CDH13: variants seen among roughly 807,000 people sequenced by gnomAD.
CDH13 encodes cadherin 13, also known as cadherin-13.
Under a neutral mutation model 63.8 loss-of-function variants are expected in CDH13, and 24 were observed. The observed-to-expected ratio is 0.38, with a 90% confidence interval of 0.27 to 0.53. CDH13 has a LOEUF of 0.53. Among genes scored for constraint, CDH13 ranks in the 20% least tolerant of loss-of-function variants. The probability of loss-of-function intolerance (pLI) is 0.85; values close to 1 mark genes in which losing one functional copy is unlikely to be tolerated. For synonymous variants in CDH13, 503 were observed against 355.3 expected, an observed-to-expected ratio of 1.42 and a Z score of -4.67; for missense variants, 1,049 against 903.1, an observed-to-expected ratio of 1.16 and a Z score of -2.07.
chr16:83,111,415 AT>A (rs2035052573), intron 3 of CDH13, among the ~76,000 whole-genome samples: 1 of 152,174 alleles, frequency 6.6e-6, no homozygotes, highest in African/African-American at 2.4e-5. Flanking sequence ...TAAAGCATAA[AT>A]AATATTGATT....
intron 1 of CDH13, among the ~76,000 whole-genome samples, chr16:82,816,214 C>G (rs181701621): frequency 1.3e-5 from 2 of 152,140 alleles, no homozygotes; most frequent in Admixed American, 6.5e-5. Flanking sequence ...AGCCTTCCAA[C>G]AGGCACATCC....
At chr16:82,796,551 C>A (rs917584744) in intron 1 of CDH13, among the ~76,000 whole-genome samples, 1 of 152,154 alleles carries the variant, frequency 6.6e-6, no homozygotes, top group African/African-American at 2.4e-5. Flanking sequence ...TGAGTCTTCC[C>A]AGGAGGTGTC....
At chr16:82,819,652 C>T (rs888958796) in intron 1 of CDH13, among the ~76,000 whole-genome samples, 1 of 152,176 alleles carries the variant, frequency 6.6e-6, no homozygotes, top group South Asian at 2.1e-4. Flanking sequence ...AGAGGAGATG[C>T]CACTGGGCAG....
At chr16:83,277,696 C>A (rs139980242) in intron 5 of CDH13, among the ~76,000 whole-genome samples, 2 of 151,998 alleles carry the variant, frequency 1.3e-5, no homozygotes, top group Non-Finnish European at 2.9e-5. Flanking sequence ...CAGCGGATTC[C>A]CTTAAGTCAA....
At chr16:83,437,557 G>T (rs987032689) in intron 6 of CDH13, among the ~76,000 whole-genome samples, 1 of 151,930 alleles carries the variant, frequency 6.6e-6, no homozygotes, top group Non-Finnish European at 1.5e-5. Context: ...CATGCCTGTA[G>T]TCCCAGCTAC....
chr16:83,502,363 A>T (rs2074302209), intron 7 of CDH13, among the ~76,000 whole-genome samples: 1 of 152,092 alleles, frequency 6.6e-6, no homozygotes, highest in Non-Finnish European at 1.5e-5. Context: ...AGGGCTGTGG[A>T]CAGAGCTTCT....
chr16:82,871,261 G>A (rs1039374983), intron 2 of CDH13, among the ~76,000 whole-genome samples: 1 of 152,202 alleles, frequency 6.6e-6, no homozygotes, highest in Non-Finnish European at 1.5e-5. Flanking sequence ...GAACCATGTG[G>A]TCAGACAGGG....
chr16:82,726,635 A>T (rs2033113203), intron 1 of CDH13, among the ~76,000 whole-genome samples: 1 of 152,156 alleles, frequency 6.6e-6, no homozygotes, highest in Non-Finnish European at 1.5e-5. Context: ...CACACTCCAT[A>T]AGTAGTCAGT....
intron 7 of CDH13, among the ~76,000 whole-genome samples, chr16:83,561,502 G>T (rs545843503): frequency 6.6e-6 from 1 of 151,444 alleles, no homozygotes; most frequent in Admixed American, 6.6e-5. Context: ...TTCTGCAAGG[G>T]GTCTACATTT....
At chr16:83,757,297 G>C (rs1266839881) in intron 11 of CDH13, among the ~76,000 whole-genome samples, 2 of 152,144 alleles carry the variant, frequency 1.3e-5, no homozygotes, top group Non-Finnish European at 2.9e-5. Context: ...ACAAATCCAG[G>C]CTGGGCACGG....
intron 10 of CDH13, among the ~76,000 whole-genome samples, chr16:83,718,218 A>C (rs1447928461): frequency 5.3e-5 from 8 of 152,226 alleles, no homozygotes; most frequent in Non-Finnish European, 1.0e-4. Flanking sequence ...CTATGCGTAC[A>C]GGAGCTGAAT....
At chr16:82,793,377 G>A (rs1266164431) in intron 1 of CDH13, among the ~76,000 whole-genome samples, 1 of 115,862 alleles carries the variant, frequency 8.6e-6, no homozygotes, top group Non-Finnish European at 2.0e-5. Context: ...GTGGAAAAGG[G>A]AGGGAAAAAA....
chr16:83,083,948 A>T (rs376824362), intron 3 of CDH13, among the ~76,000 whole-genome samples: 3 of 152,160 alleles, frequency 2.0e-5, no homozygotes. Flanking sequence ...CTCGTTAATA[A>T]CCCTTTACCA....
intron 1 of CDH13, among the ~76,000 whole-genome samples, chr16:82,797,774 CGTGTGTGTGTGTGTGTGT>C (rs3046484): frequency 2.1e-5 from 3 of 145,554 alleles, no homozygotes; most frequent in African/African-American, 7.6e-5. Context: ...ACTTTAGGGC[CGTGTGTGTGTGTGTGTGT>C]GTGTGTGTGT....
At chr16:82,960,899 A>G (rs552577830) in intron 2 of CDH13, among the ~76,000 whole-genome samples, 1 of 152,268 alleles carries the variant, frequency 6.6e-6, no homozygotes, top group Admixed American at 6.5e-5. Flanking sequence ...CTTTTTTAGT[A>G]CACGTTTCTG....
intron 6 of CDH13, among the ~76,000 whole-genome samples, chr16:83,478,636 G>C (rs1385351995): frequency 1.3e-5 from 2 of 152,114 alleles, no homozygotes; most frequent in African/African-American, 4.8e-5. Context: ...AAATCTCCCA[G>C]ACCTTGCCTT....
At chr16:83,404,764 G>C (rs781230363) in intron 6 of CDH13, among the ~76,000 whole-genome samples, 2 of 152,136 alleles carry the variant, frequency 1.3e-5, no homozygotes, top group Non-Finnish European at 2.9e-5. Context: ...ATATCCTTTT[G>C]TGCTGTGTTT....
chr16:83,237,757 T>C (rs774069165), intron 5 of CDH13, among the ~76,000 whole-genome samples: 4 of 152,258 alleles, frequency 2.6e-5, no homozygotes, highest in South Asian at 2.1e-4. Context: ...TGTAGAAAGG[T>C]AGAAATGAGA....
At chr16:83,751,901 A>G (rs1182308842) in intron 11 of CDH13, among the ~76,000 whole-genome samples, 1 of 152,244 alleles carries the variant, frequency 6.6e-6, no homozygotes, top group Non-Finnish European at 1.5e-5. Context: ...ATTACGTCCC[A>G]GAAGAAGCTG....
Sources: allele counts gnomAD v4.1 joint callset (sites outside exome capture counted in the v4.1 genomes callset), GRCh38; gene constraint gnomAD v4.1.1; transcripts MANE v1.5; gene names NCBI Gene and HGNC (gene_info 2026-07-23, HGNC 2026-07-21).